FAM98C: variants seen among roughly 807,000 people sequenced by gnomAD.
FAM98C encodes tRNA splicing ligase complex subunit 3C.
Under a neutral mutation model 41.1 loss-of-function variants are expected in FAM98C, and 38 were observed. The observed-to-expected ratio is 0.92, with a 90% CI of 0.71 to 1.21. The LOEUF is 1.21. Among genes scored for constraint, FAM98C ranks in the 50% most tolerant of loss-of-function variants. The pLI, the probability that FAM98C is intolerant of heterozygous loss-of-function variation, is 0.00. For missense variants in FAM98C, 493 were observed against 484.7 expected, an observed-to-expected ratio of 1.02 and a Z score of -0.16; for synonymous variants, 195 against 216.7, an observed-to-expected ratio of 0.90 and a Z score of 0.88.
intron 6 of FAM98C, chr19:38,406,642 G>T: frequency 2.7e-6 from 1 of 369,056 alleles, no homozygotes; most frequent in Non-Finnish European, 4.9e-6. Flanking sequence ...AAATTAGCTG[G>T]GCATGGTGGC....
chr19:38,403,612 GCT>G lies in FAM98C; in HGVS notation c.268_269del (p.Leu90AlafsTer50). The G allele has an allele frequency of 6.7e-7, 1 of 1,487,750 alleles. No individual in the cohort carries two copies. The highest frequency in any genetic ancestry group is 8.8e-7 in the Non-Finnish European group (1 of 1,130,890). 92.2% of individuals were successfully genotyped at this position (1,487,750 alleles called of 1,614,324 possible). Reference sequence around the variant, plus strand: ...GGCAGCTCGGCAGCCTGCTGCGGGAGCTGCACTGCCCGGATCGCGCGCTCTGC... The same window carrying G: ...GGCAGCTCGGCAGCCTGCTGCGGGAGGCACTGCCCGGATCGCGCGCTCTGC... ...LRQLGSLLRELHCPDRALCGG... is the reference protein window; with the variant it reads ...LRQLGSLLREXHCPDRALCGG... On this transcript the variant is annotated frameshift_variant, in exon 3 of 8. Transcript: ENST00000252530. LOFTEE classifies it high-confidence loss of function.
intron 7 of FAM98C, 168 bp downstream of exon 7, chr19:38,407,245 A>C (rs1182308026): frequency 1.4e-6 from 1 of 695,060 alleles, no homozygotes; most frequent in Non-Finnish European, 2.4e-6. Context: ...TCCCCAGCTC[A>C]GAATGCTTCC....
chr19:38,403,201 G>A lies in FAM98C; in HGVS notation c.48G>A (p.Gln16=). The A allele has an allele frequency of 6.4e-7, 1 of 1,558,140 alleles. No individual in the cohort carries two copies. The highest frequency in any genetic ancestry group is 8.6e-7 in the Non-Finnish European group (1 of 1,159,710). The change falls in exon 1 of 8, where the codon CAG becomes CAA. Residue 16 remains glutamine, a synonymous_variant. Coordinates refer to ENST00000252530, the MANE Select transcript of FAM98C (RefSeq NM_174905.4). ...CGTGGGAGGGGGCCGCGGTGGCCCAGGACCTGCTGGCTCTGGGGTAAAAGG... is the reference window on the plus strand; with the variant it reads ...CGTGGGAGGGGGCCGCGGTGGCCCAAGACCTGCTGGCTCTGGGGTAAAAGG... The part of the protein sequence containing the change: ...AEAWEGAAVA[Q]DLLALGYGGV...
chr19:38,405,670 G>T, intron 6 of FAM98C, 35 bp downstream of exon 6: 1 of 1,604,132 alleles, frequency 6.2e-7, no homozygotes, highest in Admixed American at 1.7e-5. Context: ...GAATTGGAGA[G>T]GCCCAGTTGT....
Position 38,403,703 on chromosome 19 carries a change from C to T in FAM98C, c.349+9C>T, listed in dbSNP as rs759172356. The T allele has an allele frequency of 5.7e-6, 8 of 1,403,184 alleles. No homozygotes were observed. The highest frequency in any genetic ancestry group is 4.5e-5 in the African/African-American group (3 of 66,298). The allele number at this position is 1,403,184 out of a possible 1,614,324, so 86.9% of individuals were successfully genotyped here. A position where few individuals can be genotyped will look rare whatever the true frequency, so the allele number is the denominator to read the frequency against. ...CGGACTGCGCCTGCTGCGTGAGTCC[C>T]GGGATGCAGAAGTGGCAAGGCCATG... On this transcript the variant is annotated intron_variant, in intron 3 of 7. Coordinates refer to ENST00000252530, the MANE Select transcript of FAM98C (RefSeq NM_174905.4).
intron 7 of FAM98C, 181 bp from the exon 8 acceptor site, chr19:38,408,570 A>T (rs911916140): frequency 1.4e-6 from 1 of 732,806 alleles, no homozygotes; most frequent in Admixed American, 3.0e-5. Flanking sequence ...AAAAAAAGAA[A>T]AGAAAAAAGA....
At chr19:38,403,789 C>G in intron 3 of FAM98C, 95 bp downstream of exon 3, 1 of 1,327,318 alleles carries the variant, frequency 7.5e-7, no homozygotes. Context: ...GGGGTGTGGT[C>G]AGAACTTTGG....
chr19:38,403,390 A>C lies in FAM98C; in HGVS notation c.118A>C (p.Arg40=), dbSNP rs543907073. The change falls in exon 2 of 8, where the codon AGG becomes CGG. Residue 40 remains arginine (R), a synonymous_variant. Transcript: ENST00000252530. The part of the protein sequence containing the change: ...ASRGASCPDF[R]GLCVRLAAEL... Reference sequence around the variant, plus strand: ...GCGGGGCGCCTCATGCCCAGACTTCAGGGGGCTGTGCGTGCGGCTGGCGGC... The same window carrying C: ...GCGGGGCGCCTCATGCCCAGACTTCCGGGGGCTGTGCGTGCGGCTGGCGGC... 23 of 1,462,962 alleles carry C rather than the reference A, an allele frequency of 1.6e-5. No individual in the cohort carries two copies. The highest frequency in any genetic ancestry group is 2.1e-5 in the Non-Finnish European group (23 of 1,120,684). The allele number at this position is 1,462,962 out of a possible 1,614,324, so 90.6% of individuals were successfully genotyped here.
chr19:38,405,489 CT>C (rs1568401465), intron 5 of FAM98C, 29 bp from the exon 6 acceptor site: 1 of 1,613,990 alleles, frequency 6.2e-7, no homozygotes, highest in Admixed American at 1.7e-5. Context: ...AGAGGGACCC[CT>C]AGCCTGACCT....
chr19:38,406,888 T>A, intron 6 of FAM98C, 22 bp from the exon 7 acceptor site: 1 of 1,610,372 alleles, frequency 6.2e-7, no homozygotes, highest in South Asian at 1.1e-5. Flanking sequence ...GGGTACCTTC[T>A]CTTACCTCCT....
In FAM98C at chr19:38,403,703, C is replaced by A. The variant is rs759172356; in HGVS notation, c.349+9C>A. 1 of 1,403,298 alleles carries A rather than the reference C, an allele frequency of 7.1e-7. No homozygotes were observed. Among genetic ancestry groups the A allele is most frequent in the East Asian group, 2.9e-5 (1 of 34,452 alleles). 86.9% of individuals were successfully genotyped at this position (1,403,298 alleles called of 1,614,324 possible). A position where few individuals can be genotyped will look rare whatever the true frequency, so the allele number is the denominator to read the frequency against. ...CGGACTGCGCCTGCTGCGTGAGTCC[C>A]GGGATGCAGAAGTGGCAAGGCCATG... is the stretch of plus-strand genomic sequence containing the variant. On this transcript the variant is annotated intron_variant, in intron 3 of 7. Coordinates refer to ENST00000252530, the MANE Select transcript of FAM98C (RefSeq NM_174905.4).
chr19:38,408,707 A>C lies in FAM98C; in HGVS notation c.919-44A>C, dbSNP rs767867941. On this transcript the variant is annotated intron_variant, in intron 7 of 7. Coordinates refer to ENST00000252530, the MANE Select transcript of FAM98C (RefSeq NM_174905.4). ...CCTTCGCTCTCTGGCCCCCTTGTCC[A>C]AGATACTTTTTTTCTCTGCAACTCA... 64 of 1,613,830 alleles carry C rather than the reference A, an allele frequency of 4.0e-5. 1 individual carries two copies. In the South Asian group the frequency reaches 6.5e-4, roughly 16 times the overall value.
intron 3 of FAM98C, among the ~76,000 whole-genome samples, chr19:38,404,072 A>G (rs1002692214): frequency 2.0e-5 from 3 of 151,630 alleles, no homozygotes; most frequent in Admixed American, 1.3e-4. Flanking sequence ...GGCTATTTTT[A>G]GTAGAAACGG....
In FAM98C at chr19:38,403,327, G is replaced by T; in HGVS notation, c.66-11G>T. The T allele has an allele frequency of 5.4e-6, 8 of 1,494,396 alleles. No individual in the cohort carries two copies. The highest frequency in any genetic ancestry group is 2.7e-5 in the East Asian group (1 of 36,734). The allele number at this position is 1,494,396 out of a possible 1,614,324, so 92.6% of individuals were successfully genotyped here. A position where few individuals can be genotyped will look rare whatever the true frequency, so the allele number is the denominator to read the frequency against. On this transcript the variant is annotated splice_polypyrimidine_tract_variant and intron_variant, in intron 1 of 7. Transcript: ENST00000252530. ...CATCCCCGCCCCCTCCCGCTGCCTC[G>T]GTCCCCACAGGTATGGAGGTGTCCC...
At chr19:38,404,738 C>G in intron 3 of FAM98C, 170 bp from the exon 4 acceptor site, 1 of 688,146 alleles carries the variant, frequency 1.5e-6, no homozygotes. Context: ...ACCATGTTGG[C>G]CAGGCTGGTC....
Position 38,408,802 on chromosome 19 carries a change from C to G in FAM98C, c.970C>G (p.Pro324Ala), listed in dbSNP as rs367871769. The G allele has an allele frequency of 6.2e-7, 1 of 1,613,548 alleles. No homozygotes were observed. Among genetic ancestry groups the G allele is most frequent in the African/African-American group, 1.3e-5 (1 of 74,846 alleles). The change falls in exon 8 of 8, where the codon CCT becomes GCT. Residue 324 changes from proline to alanine, a missense_variant. By Grantham distance (27) the Pro-to-Ala change is conservative. Transcript: ENST00000252530. The stretch of plus-strand genomic sequence containing the variant: ...GGGGGGCCGCCCAAATGAGCTGGAG[C>G]CTCCCATGCCCACCTGGAGGAGCCG... ...DRGGRPNELE[P>A]PMPTWRSRRE...
chr19:38,405,711 G>A (rs1971030528), intron 6 of FAM98C, 76 bp downstream of exon 6: 2 of 1,386,836 alleles, frequency 1.4e-6, no homozygotes, highest in Non-Finnish European at 2.1e-6. Flanking sequence ...GGAGGAATGA[G>A]GGCCAGGAGT....
intron 3 of FAM98C, among the ~76,000 whole-genome samples, chr19:38,404,539 C>CT (rs979828992): frequency 1.2e-4 from 18 of 148,058 alleles, no homozygotes; most frequent in Admixed American, 3.4e-4. Context: ...GGTGGAGCCT[C>CT]TTTTTTTTTT....
chr19:38,405,556 A>G lies in FAM98C; in HGVS notation c.671A>G (p.Gln224Arg). The change falls in exon 6 of 8, where the codon CAG (glutamine) becomes CGG (arginine). Residue 224 changes from glutamine to arginine, a missense_variant. Transcript: ENST00000252530. The stretch of plus-strand genomic sequence containing the variant: ...TCTCTGTCCCAAAGCCTCAGAGATC[A>G]GTACCGCTGCCGCCGCTGCCTCCTC... ...LESLSQSLRD[Q>R]YRCRRCLLLK... 9 of 1,614,192 alleles carry G rather than the reference A, an allele frequency of 5.6e-6. No homozygotes were observed. Among genetic ancestry groups the G allele is most frequent in the Non-Finnish European group, 7.6e-6 (9 of 1,180,038 alleles).
Sources: allele counts gnomAD v4.1 joint callset (sites outside exome capture counted in the v4.1 genomes callset), GRCh38; gene constraint gnomAD v4.1.1; transcripts MANE v1.5; gene names NCBI Gene and HGNC (gene_info 2026-07-23, HGNC 2026-07-21).